TENM4: variants seen among roughly 807,000 people sequenced by gnomAD.
TENM4 encodes teneurin-4.
A neutral mutation model predicts 243.3 loss-of-function variants in TENM4; 82 were observed. The observed-to-expected ratio is 0.34, with a 90% CI of 0.28 to 0.40. The LOEUF (loss-of-function observed/expected upper bound fraction) is 0.40. Ranked by LOEUF, TENM4 falls within the 10% of genes least tolerant of loss-of-function variation. The pLI, the probability that TENM4 is intolerant of heterozygous loss-of-function variation, is 1.00. For missense variants in TENM4, 3,138 were observed against 3,673.3 expected (o/e 0.85, Z 3.77); for synonymous variants, 1,412 against 1,456.3 (o/e 0.97, Z 0.69).
chr11:79,305,325 GCCTTCAAGTCAGT>G (rs1420066439), intron 1 of TENM4, among the ~76,000 whole-genome samples: 5 of 152,058 alleles, frequency 3.3e-5, no homozygotes, highest in African/African-American at 1.2e-4. Flanking sequence ...TCTAGCTGAG[GCCTTCAAGTCAGT>G]CCTTAAGAAT....
At chr11:78,770,093 G>A (rs1462220548) in intron 18 of TENM4, among the ~76,000 whole-genome samples, 1 of 152,204 alleles carries the variant, frequency 6.6e-6, no homozygotes, top group African/African-American at 2.4e-5. Context: ...TCACTAGGAA[G>A]AAAGGGTTAA....
chr11:78,899,440 G>A (rs1045561751), intron 7 of TENM4, among the ~76,000 whole-genome samples: 11 of 151,694 alleles, frequency 7.3e-5, no homozygotes, highest in African/African-American at 2.7e-4. Flanking sequence ...CTGGGCATGG[G>A]GGTGGCACAT....
intron 6 of TENM4, among the ~76,000 whole-genome samples, chr11:78,941,839 CT>C (rs954527626): frequency 2.0e-5 from 3 of 152,172 alleles, no homozygotes; most frequent in African/African-American, 7.2e-5. Context: ...TCAGATTTCT[CT>C]TTTGTAAGAT....
chr11:79,034,776 T>G (rs1353090185), intron 6 of TENM4, among the ~76,000 whole-genome samples: 2 of 152,094 alleles, frequency 1.3e-5, no homozygotes, highest in Admixed American at 6.5e-5. Flanking sequence ...ACCATGATGA[T>G]ATGCACGGAC....
intron 2 of TENM4, among the ~76,000 whole-genome samples, chr11:79,227,586 G>T (rs1156910841): frequency 6.6e-6 from 1 of 152,188 alleles, no homozygotes; most frequent in Non-Finnish European, 1.5e-5. Context: ...AGTGATAGGT[G>T]GGGCCACTGT....
intron 2 of TENM4, among the ~76,000 whole-genome samples, chr11:79,228,213 G>C (rs865858687): frequency 1.3e-5 from 2 of 152,172 alleles, no homozygotes; most frequent in African/African-American, 4.8e-5. Flanking sequence ...CCCCTCGGGT[G>C]GTGGGCCAGC....
intron 1 of TENM4, among the ~76,000 whole-genome samples, chr11:79,307,193 A>C (rs887413359): frequency 6.6e-6 from 1 of 152,156 alleles, no homozygotes; most frequent in African/African-American, 2.4e-5. Flanking sequence ...TCAGAGAGGC[A>C]ATGTGAATTG....
intron 22 of TENM4, among the ~76,000 whole-genome samples, chr11:78,727,797 A>G (rs776279377): frequency 2.6e-5 from 4 of 152,184 alleles, no homozygotes; most frequent in Non-Finnish European, 5.9e-5. Context: ...CAGGAATGCT[A>G]TTTCTTCCAA....
chr11:79,075,794 C>T (rs1022855615), intron 4 of TENM4, among the ~76,000 whole-genome samples: 6 of 152,184 alleles, frequency 3.9e-5, no homozygotes, highest in African/African-American at 7.2e-5. Flanking sequence ...CCAGACATGG[C>T]GCAGTGTTCT....
intron 4 of TENM4, among the ~76,000 whole-genome samples, chr11:79,125,560 T>G (rs1262860643): frequency 2.6e-5 from 4 of 152,154 alleles, no homozygotes; most frequent in Non-Finnish European, 4.4e-5. Context: ...CAACTTGGAA[T>G]GGGGGGTGTG....
At chr11:79,343,039 G>A (rs1296436361) in intron 1 of TENM4, among the ~76,000 whole-genome samples, 1 of 152,226 alleles carries the variant, frequency 6.6e-6, no homozygotes, top group East Asian at 1.9e-4. Context: ...CCTGAAGCGT[G>A]GTGGGCTTCC....
chr11:78,718,689 G>T (rs1429942681), intron 25 of TENM4, among the ~76,000 whole-genome samples: 1 of 152,178 alleles, frequency 6.6e-6, no homozygotes, highest in Non-Finnish European at 1.5e-5. Flanking sequence ...GAAGGCATGG[G>T]TCATTACATA....
At chr11:78,769,801 C>T (rs1348445309) in intron 18 of TENM4, among the ~76,000 whole-genome samples, 7 of 152,204 alleles carry the variant, frequency 4.6e-5, no homozygotes, top group Non-Finnish European at 7.3e-5. Context: ...GGCTGAAAGC[C>T]GGCTGGCTCA....
At chr11:78,956,478 T>C (rs1271119275) in intron 6 of TENM4, among the ~76,000 whole-genome samples, 1 of 152,230 alleles carries the variant, frequency 6.6e-6, no homozygotes, top group East Asian at 1.9e-4. Context: ...TCCTGAACTC[T>C]CATTTCTATA....
chr11:79,318,705 T>G (rs535042983), intron 1 of TENM4, among the ~76,000 whole-genome samples: 47 of 152,150 alleles, frequency 3.1e-4, no homozygotes, highest in Non-Finnish European at 5.1e-4. Context: ...AACTGGTGAG[T>G]GTCAAGTACT....
intron 1 of TENM4, among the ~76,000 whole-genome samples, chr11:79,330,840 G>C (rs569491853): frequency 1.3e-5 from 2 of 152,204 alleles, no homozygotes; most frequent in African/African-American, 4.8e-5. Context: ...CATTCTCAGC[G>C]CCTGGGGCCA....
intron 1 of TENM4, among the ~76,000 whole-genome samples, chr11:79,427,495 T>C (rs1859077525): frequency 1.3e-5 from 2 of 152,146 alleles, no homozygotes; most frequent in South Asian, 4.1e-4. Flanking sequence ...TGCAAAACAA[T>C]GTGTGTAATG....
intron 1 of TENM4, among the ~76,000 whole-genome samples, chr11:79,432,511 A>G (rs552336396): frequency 3.3e-5 from 5 of 152,198 alleles, no homozygotes; most frequent in Admixed American, 2.0e-4. Context: ...TCATCAATAC[A>G]AGCCCTTCAC....
intron 1 of TENM4, among the ~76,000 whole-genome samples, chr11:79,361,379 T>C (rs1271551679): frequency 1.3e-5 from 2 of 152,360 alleles, no homozygotes; most frequent in East Asian, 3.9e-4. Context: ...TGTCAGATAA[T>C]TATTTTTTAA....
Sources: allele counts gnomAD v4.1 joint callset (sites outside exome capture counted in the v4.1 genomes callset), GRCh38; gene constraint gnomAD v4.1.1; transcripts MANE v1.5; gene names NCBI Gene and HGNC (gene_info 2026-07-23, HGNC 2026-07-21).